XIRP2: variants seen among roughly 807,000 people sequenced by gnomAD.
XIRP2 encodes the protein xin actin binding repeat containing 2.
Under a neutral mutation model 277.0 loss-of-function variants are expected in XIRP2, and 236 were observed. The observed-to-expected ratio is 0.85, with a 90% confidence interval of 0.77 to 0.95. The LOEUF is 0.95. Among genes scored for constraint, XIRP2 ranks in the 40% least tolerant of loss-of-function variants. The probability of loss-of-function intolerance (pLI) is 0.00; values close to 1 mark genes in which losing one functional copy is unlikely to be tolerated. For missense variants in XIRP2, 4,640 were observed against 4,157.5 expected, an observed-to-expected ratio of 1.12 and a Z score of -3.19; for synonymous variants, 1,490 against 1,416.5, an observed-to-expected ratio of 1.05 and a Z score of -1.17.
At chr2:167,096,785 C>T (rs1008443660) in intron 2 of XIRP2, among the ~76,000 whole-genome samples, 3 of 152,042 alleles carry the variant, frequency 2.0e-5, no homozygotes, top group Non-Finnish European at 4.4e-5. Context: ...TTTGTTTCTG[C>T]CTTAATTTTT....
chr2:166,928,154 G>A lies in XIRP2; in HGVS notation c.408+24264G>A, dbSNP rs1685239022. Among the ~76,000 whole-genome samples the A allele has an allele frequency of 2.0e-5, 3 of 152,228 alleles. No homozygotes were observed. In the South Asian group the frequency reaches 6.2e-4, roughly 32 times the overall value. On this transcript the variant is annotated intron_variant, in intron 2 of 10. Transcript: ENST00000409195. ...AAGCCCTGAGGTTTGTTGCTGTAGG[G>A]CAGATTATGTAAAATGAGCGTAGTT... is the stretch of plus-strand genomic sequence containing the variant.
intron 2 of XIRP2, among the ~76,000 whole-genome samples, chr2:167,021,636 C>T (rs1687984994): frequency 6.6e-6 from 1 of 151,702 alleles, no homozygotes; most frequent in African/African-American, 2.4e-5. Flanking sequence ...ATGATTTGAG[C>T]CCAGGAGTTC....
chr2:167,226,222 A>G (rs1694597165), intron 5 of XIRP2, among the ~76,000 whole-genome samples: 1 of 152,162 alleles, frequency 6.6e-6, no homozygotes, highest in African/African-American at 2.4e-5. Context: ...CTACTCTTGC[A>G]TTCAAAATTA....
In XIRP2 at chr2:167,243,350, C is replaced by T; in HGVS notation, c.1958C>T (p.Thr653Ile). The change falls in exon 9 of 11, where the codon ACA (threonine) becomes ATA (isoleucine). Residue 653 changes from threonine to isoleucine, a missense_variant. By Grantham distance (89) the Thr-to-Ile change is moderately conservative. Transcript: ENST00000409195. ...IPELARGDVCTARWMFETRPL... is the reference protein window; with the variant it reads ...IPELARGDVCIARWMFETRPL... The stretch of plus-strand genomic sequence containing the variant: ...GAGCTAGCCAGAGGAGATGTCTGCA[C>T]AGCTCGGTGGATGTTTGAAACAAGG... 6.2e-7 allele frequency: 1 copy of T among 1,614,056 alleles called. No homozygotes were observed. Among genetic ancestry groups the T allele is most frequent in the Non-Finnish European group, 8.5e-7 (1 of 1,179,978 alleles).
intron 2 of XIRP2, among the ~76,000 whole-genome samples, chr2:166,970,471 G>T (rs1686550328): frequency 6.6e-6 from 1 of 151,886 alleles, no homozygotes; most frequent in Non-Finnish European, 1.5e-5. Flanking sequence ...CCTTTTAAGT[G>T]TCTTTGTGTC....
At chr2:166,908,654 C>G (rs1425173886) in intron 2 of XIRP2, among the ~76,000 whole-genome samples, 1 of 152,054 alleles carries the variant, frequency 6.6e-6, no homozygotes, top group Non-Finnish European at 1.5e-5. Context: ...CTTTTGTTGC[C>G]ACTGCTTTTG....
chr2:166,985,430 C>G (rs1024189586), intron 2 of XIRP2, among the ~76,000 whole-genome samples: 1 of 151,156 alleles, frequency 6.6e-6, no homozygotes, highest in African/African-American at 2.4e-5. Flanking sequence ...ATCTAAAAAT[C>G]TTTTCTTTCT....
intron 4 of XIRP2, among the ~76,000 whole-genome samples, chr2:167,215,704 G>C (rs1302885695): frequency 6.6e-6 from 1 of 152,114 alleles, no homozygotes; most frequent in African/African-American, 2.4e-5. Context: ...GTATTGCCAA[G>C]TCTTCCAGTT....
At chr2:166,908,333 T>A (rs1401236849) in intron 2 of XIRP2, among the ~76,000 whole-genome samples, 1 of 152,210 alleles carries the variant, frequency 6.6e-6, no homozygotes, top group Admixed American at 6.5e-5. Context: ...GGTATCTCAT[T>A]GTGGTTTTGA....
At chr2:167,030,024 A>G (rs1405163872) in intron 2 of XIRP2, among the ~76,000 whole-genome samples, 1 of 152,010 alleles carries the variant, frequency 6.6e-6, no homozygotes, top group African/African-American at 2.4e-5. Flanking sequence ...GTATTCTCTG[A>G]TGGTAGATTG....
intron 3 of XIRP2, among the ~76,000 whole-genome samples, chr2:167,153,740 A>G (rs1558999155): frequency 6.6e-6 from 1 of 151,740 alleles, no homozygotes; most frequent in Non-Finnish European, 1.5e-5. Flanking sequence ...ACATGAACTC[A>G]TCATTTTTTA....
At chr2:167,198,728 G>A (rs915861472) in intron 3 of XIRP2, among the ~76,000 whole-genome samples, 1 of 152,146 alleles carries the variant, frequency 6.6e-6, no homozygotes, top group African/African-American at 2.4e-5. Context: ...AGAAGAGTAG[G>A]TTATTCACCA....
chr2:167,111,982 T>G (rs1690769818), intron 2 of XIRP2, among the ~76,000 whole-genome samples: 1 of 152,222 alleles, frequency 6.6e-6, no homozygotes, highest in East Asian at 1.9e-4. Flanking sequence ...GATGGTTTTT[T>G]GTACTTCTGT....
intron 3 of XIRP2, among the ~76,000 whole-genome samples, chr2:167,201,270 G>A (rs868101579): frequency 0.021 from 2,051 of 96,596 alleles, 48 homozygotes; most frequent in African/African-American, 0.081. Flanking sequence ...AAGAGAGAGG[G>A]AGAAAGGAAA....
intron 2 of XIRP2, among the ~76,000 whole-genome samples, chr2:166,949,791 G>A (rs1257428007): frequency 1.3e-5 from 2 of 151,988 alleles, no homozygotes; most frequent in Non-Finnish European, 2.9e-5. Flanking sequence ...TTAACATAAA[G>A]TTCCTTGAAC....
At chr2:167,175,405 T>C (rs1317287290) in intron 3 of XIRP2, among the ~76,000 whole-genome samples, 6 of 152,160 alleles carry the variant, frequency 3.9e-5, no homozygotes, top group African/African-American at 1.4e-4. Context: ...CTGCTGCAGG[T>C]GTGCTGGAGT....
intron 2 of XIRP2, among the ~76,000 whole-genome samples, chr2:167,067,094 T>A (rs1486213586): frequency 6.6e-6 from 1 of 152,052 alleles, no homozygotes; most frequent in Non-Finnish European, 1.5e-5. Context: ...AATTTAGATA[T>A]TTTTAGCCAT....
Position 167,243,784 on chromosome 2 carries a change from G to T in XIRP2, c.2392G>T (p.Glu798Ter), listed in dbSNP as rs900673558. 1.2e-6 allele frequency: 2 copies of T among 1,614,054 alleles called. No individual in the cohort carries two copies. Among genetic ancestry groups the T allele is most frequent in the African/African-American group, 1.3e-5 (1 of 75,028 alleles). Residue 798 changes from glutamate to a stop codon, truncating the protein, a stop_gained, in exon 9 of 11, where the codon GAA (glutamate) becomes TAA (stop). Coordinates refer to ENST00000409195, the MANE Select transcript of XIRP2 (RefSeq NM_152381.6). LOFTEE classifies it high-confidence loss of function. ...EIKVVRGISM[E>*]ENVKGGVSKA... ...TAAAGTTGTCCGAGGAATATCCATGGAAGAAAATGTCAAAGGTGGGGTGAG... is the reference window on the plus strand; with the variant it reads ...TAAAGTTGTCCGAGGAATATCCATGTAAGAAAATGTCAAAGGTGGGGTGAG...
intron 2 of XIRP2, among the ~76,000 whole-genome samples, chr2:166,975,164 A>G (rs1322443099): frequency 6.6e-6 from 1 of 152,102 alleles, no homozygotes; most frequent in Non-Finnish European, 1.5e-5. Flanking sequence ...GTAGAGACTG[A>G]CAGAATTAAA....
Sources: gnomAD v4.1 joint callset for allele counts (sites outside exome capture counted in the v4.1 genomes callset) on GRCh38, gnomAD v4.1.1 for gene constraint, MANE v1.5 for transcripts, NCBI Gene and HGNC (gene_info 2026-07-23, HGNC 2026-07-21) for gene names.